FBXW7: variants seen among roughly 807,000 people sequenced by gnomAD.
FBXW7 encodes the protein F-box/WD repeat-containing protein 7.
Under a neutral mutation model 86.3 loss-of-function variants are expected in FBXW7, and 11 were observed. The observed-to-expected ratio is 0.13, with a 90% CI of 0.08 to 0.21. The LOEUF (loss-of-function observed/expected upper bound fraction) is 0.21, where lower values mean the gene tolerates loss of function less well. FBXW7 is among the 10% of genes least tolerant of loss of function. The pLI is 1.00. For missense variants in FBXW7, 488 were observed against 847.4 expected, an observed-to-expected ratio of 0.58 and a Z score of 5.27; for synonymous variants, 313 against 297.9, an observed-to-expected ratio of 1.05 and a Z score of -0.52.
At chr4:152,398,910 T>C (rs1182666060) in intron 4 of FBXW7, among the ~76,000 whole-genome samples, 2 of 152,046 alleles carry the variant, frequency 1.3e-5, no homozygotes, top group East Asian at 3.8e-4. Context: ...AAATTGATAA[T>C]ACTGTTTAAA....
intron 4 of FBXW7, among the ~76,000 whole-genome samples, chr4:152,356,650 G>T (rs1273130155): frequency 6.6e-6 from 1 of 152,170 alleles, no homozygotes; most frequent in Admixed American, 6.5e-5. Flanking sequence ...TGCCAAGCAT[G>T]TTGAGACTGA....
chr4:152,438,792 C>T (rs146511517), intron 2 of FBXW7, among the ~76,000 whole-genome samples: 42 of 152,270 alleles, frequency 2.8e-4, no homozygotes, highest in Middle Eastern at 3.4e-3. Context: ...GGGAGATGTG[C>T]GTGGACTTAT....
At chr4:152,507,617 T>C (rs1184469005) in intron 2 of FBXW7, among the ~76,000 whole-genome samples, 2 of 152,166 alleles carry the variant, frequency 1.3e-5, no homozygotes, top group Admixed American at 1.3e-4. Context: ...GATGGTAAGA[T>C]ACAAGTACTG....
intron 4 of FBXW7, among the ~76,000 whole-genome samples, chr4:152,377,072 C>T (rs1172855868): frequency 3.3e-5 from 5 of 152,038 alleles, no homozygotes; most frequent in Non-Finnish European, 5.9e-5. Context: ...CAGCAATAGG[C>T]CCCCAGACTA....
intron 2 of FBXW7, among the ~76,000 whole-genome samples, chr4:152,458,937 A>C (rs1370167308): frequency 1.3e-5 from 2 of 152,232 alleles, no homozygotes; most frequent in African/African-American, 4.8e-5. Context: ...TCCACTTTAT[A>C]GCACAACTGA....
At chr4:152,449,206 T>C (rs1207441328) in intron 2 of FBXW7, among the ~76,000 whole-genome samples, 2 of 152,240 alleles carry the variant, frequency 1.3e-5, no homozygotes, top group Non-Finnish European at 2.9e-5. Flanking sequence ...ATACTCACAG[T>C]AAGAATAATC....
At chr4:152,448,986 T>G (rs1338375581) in intron 2 of FBXW7, among the ~76,000 whole-genome samples, 1 of 152,312 alleles carries the variant, frequency 6.6e-6, no homozygotes, top group Admixed American at 6.5e-5. Context: ...GTTCCCTCTG[T>G]AAATGCACAC....
At chr4:152,508,850 G>A (rs1278752679) in intron 2 of FBXW7, among the ~76,000 whole-genome samples, 1 of 151,704 alleles carries the variant, frequency 6.6e-6, no homozygotes, top group Admixed American at 6.6e-5. Flanking sequence ...AACTAGAGTG[G>A]ACAAACCTGA....
At chr4:152,396,646 C>A (rs1306200174) in intron 4 of FBXW7, among the ~76,000 whole-genome samples, 10 of 151,946 alleles carry the variant, frequency 6.6e-5, no homozygotes, top group Non-Finnish European at 1.0e-4. Flanking sequence ...ACCTTCTTGA[C>A]CATTTAAGAG....
chr4:152,341,347 C>T (rs1730719829), intron 6 of FBXW7, among the ~76,000 whole-genome samples: 2 of 152,188 alleles, frequency 1.3e-5, no homozygotes, highest in African/African-American at 4.8e-5. Context: ...TCTTTCCTTG[C>T]TGTTCCTTGG....
intron 2 of FBXW7, among the ~76,000 whole-genome samples, chr4:152,431,836 A>G (rs1026001435): frequency 1.3e-5 from 2 of 152,184 alleles, no homozygotes; most frequent in African/African-American, 4.8e-5. Context: ...TAAAAAACAG[A>G]CTCACTAGTT....
At chr4:152,346,081 G>C (rs1320680045) in intron 6 of FBXW7, among the ~76,000 whole-genome samples, 1 of 152,068 alleles carries the variant, frequency 6.6e-6, no homozygotes, top group Non-Finnish European at 1.5e-5. Flanking sequence ...CTAAACACTT[G>C]ATGTATATGC....
At chr4:152,468,524 G>A (rs1743658415) in intron 2 of FBXW7, among the ~76,000 whole-genome samples, 1 of 152,118 alleles carries the variant, frequency 6.6e-6, no homozygotes, top group Admixed American at 6.6e-5. Flanking sequence ...TTATGATTCT[G>A]TTTTTATAAA....
intron 2 of FBXW7, among the ~76,000 whole-genome samples, chr4:152,487,581 C>A (rs1033152351): frequency 6.6e-6 from 1 of 151,782 alleles, no homozygotes; most frequent in African/African-American, 2.4e-5. Flanking sequence ...TTACAGGATA[C>A]CTTTAGAAAA....
chr4:152,494,358 G>A (rs1480498942), intron 2 of FBXW7, among the ~76,000 whole-genome samples: 1 of 152,204 alleles, frequency 6.6e-6, no homozygotes, highest in Non-Finnish European at 1.5e-5. Flanking sequence ...GAGGTCTGAG[G>A]AGAACAGATG....
At position 152,338,055 on chromosome 4, in the gene FBXW7, G is replaced by C. The variant is rs532314512; in HGVS notation, c.727-119C>G. 9 of 920,170 alleles carry C rather than the reference G, an allele frequency of 9.8e-6. No homozygotes were observed. The African/African-American group carries it at 1.0e-4, about 10-fold the overall frequency. The allele number at this position is 920,170 out of a possible 1,614,324, so 57.0% of individuals were successfully genotyped here. On this transcript the variant is annotated intron_variant, in intron 6 of 13. Transcript: ENST00000281708. ...TGATCAGGGTAGAACTGTATAAAAA[G>C]TGGCTCCTTATAGTGACATTTTTTC...
At chr4:152,415,366 A>C (rs1738325327) in intron 2 of FBXW7, among the ~76,000 whole-genome samples, 1 of 152,162 alleles carries the variant, frequency 6.6e-6, no homozygotes, top group Non-Finnish European at 1.5e-5. Flanking sequence ...TGAGCTACAA[A>C]GTGATTTAAG....
intron 2 of FBXW7, among the ~76,000 whole-genome samples, chr4:152,493,456 C>A (rs991172298): frequency 3.3e-5 from 5 of 152,110 alleles, no homozygotes; most frequent in Non-Finnish European, 5.9e-5. Context: ...TAAGCCAATG[C>A]GTCCAGCCAA....
chr4:152,412,019 A>C (rs541872937), intron 3 of FBXW7, 147 bp from the exon 4 acceptor site: 22 of 651,430 alleles, frequency 3.4e-5, no homozygotes, highest in African/African-American at 3.1e-4. Context: ...TTTAGTAAAC[A>C]ATATAGAACA....
Sources: allele counts gnomAD v4.1 joint callset (sites outside exome capture counted in the v4.1 genomes callset), GRCh38; gene constraint gnomAD v4.1.1; transcripts MANE v1.5; gene names NCBI Gene and HGNC (gene_info 2026-07-23, HGNC 2026-07-21).